Variants in DMXL2 observed in about 807,000 individuals in gnomAD.
DMXL2 encodes dmX-like protein 2.
DMXL2 carries 103 observed loss-of-function variants against 331.1 expected under a neutral mutation model. The ratio of observed to expected loss-of-function variants is 0.31; its 90% CI spans 0.27 to 0.37. The LOEUF (loss-of-function observed/expected upper bound fraction) is 0.37, where lower values mean the gene tolerates loss of function less well. DMXL2 is among the 10% of genes least tolerant of loss of function. DMXL2 has a pLI of 1.00. For synonymous variants in DMXL2, 1,281 were observed against 1,252.1 expected (o/e 1.02, Z -0.49); for missense variants, 3,171 against 3,642.9 (o/e 0.87, Z 3.33).
At chr15:51,599,017 T>C (rs1446035757) in intron 1 of DMXL2, among the ~76,000 whole-genome samples, 1 of 152,198 alleles carries the variant, frequency 6.6e-6, no homozygotes, top group African/African-American at 2.4e-5. Context: ...AAGAAGAGCG[T>C]TCCTTATTTG....
Position 51,455,044 on chromosome 15 carries a change from T to A in DMXL2, c.8604+107A>T. On this transcript the variant is annotated intron_variant, in intron 40 of 43. Transcript: ENST00000560891. ...GTCAGGCTGGGATTGCTGAAAAAAATCATCCTTTTCCCAATAGGACCACCA... is the reference window on the plus strand; with the variant it reads ...GTCAGGCTGGGATTGCTGAAAAAAAACATCCTTTTCCCAATAGGACCACCA... 8 of 898,166 alleles carry A rather than the reference T, an allele frequency of 8.9e-6. No individual in the cohort carries two copies. The South Asian group carries it at 1.2e-4, about 13-fold the overall frequency. The allele number at this position is 898,166 out of a possible 1,614,324, so 55.6% of individuals were successfully genotyped here.
Position 51,464,653 on chromosome 15 carries a change from A to G in DMXL2, c.7808+22T>C, listed in dbSNP as rs775153895. ...GAAAAGTTAAGCTACGCTCTTTATC[A>G]GCATTATAAGAGCTTTCTTACTTGA... On this transcript the variant is annotated intron_variant, in intron 32 of 43. Transcript: ENST00000560891. 31 of 1,597,156 alleles carry G rather than the reference A, an allele frequency of 1.9e-5. No individual in the cohort carries two copies. The East Asian group carries it at 5.4e-4, about 28-fold the overall frequency.
intron 1 of DMXL2, among the ~76,000 whole-genome samples, chr15:51,613,435 T>G (rs2054104997): frequency 6.6e-6 from 1 of 152,214 alleles, no homozygotes; most frequent in Admixed American, 6.5e-5. Flanking sequence ...CTTGACTTCC[T>G]GCAACATAAC....
chr15:51,461,653 C>A (rs535666283), intron 33 of DMXL2, among the ~76,000 whole-genome samples: 6 of 152,076 alleles, frequency 3.9e-5, no homozygotes, highest in Non-Finnish European at 7.4e-5. Context: ...TGGGCTCAAG[C>A]AATCCTCCTG....
chr15:51,586,227 T>C (rs2051813345), intron 1 of DMXL2, among the ~76,000 whole-genome samples: 1 of 152,210 alleles, frequency 6.6e-6, no homozygotes, highest in South Asian at 2.1e-4. Context: ...TAACGACTGC[T>C]TGTGTGGTAA....
At chr15:51,460,018 C>G (rs2039979431) in intron 33 of DMXL2, 1 of 982,764 alleles carries the variant, frequency 1.0e-6, no homozygotes, top group Non-Finnish European at 1.2e-6. Context: ...AATTCCTGCC[C>G]TATAGGGGTT....
At chr15:51,574,045 A>T (rs905756940) in intron 2 of DMXL2, among the ~76,000 whole-genome samples, 6 of 152,166 alleles carry the variant, frequency 3.9e-5, no homozygotes, top group South Asian at 2.1e-4. Context: ...AAATGGCCTA[A>T]TTATACCATC....
At position 51,499,847 on chromosome 15, in the gene DMXL2, T is replaced by C; in HGVS notation, c.3377A>G (p.Asp1126Gly). The C allele has an allele frequency of 6.2e-7, 1 of 1,614,178 alleles. No homozygotes were observed. The highest frequency in any genetic ancestry group is 1.1e-5 in the South Asian group (1 of 91,082). ...TACACTCCCAACCTTAACCAAATCATCAAGATGAATTGTTTGTTCTAAAAC... is the reference window on the plus strand; with the variant it reads ...TACACTCCCAACCTTAACCAAATCACCAAGATGAATTGTTTGTTCTAAAAC... ...EWVLEQTIHLDDLVKVGSVLD... is the reference protein window; with the variant it reads ...EWVLEQTIHLGDLVKVGSVLD... The change falls in exon 18 of 44, where the codon GAT becomes GGT. Residue 1126 changes from aspartate (D) to glycine (G), a missense_variant. Physicochemically the swap from Asp to Gly is moderately conservative, Grantham distance 94 (BLOSUM62 -1). Transcript: ENST00000560891.
chr15:51,489,301 G>A (rs1039024002), intron 20 of DMXL2, among the ~76,000 whole-genome samples: 1 of 152,126 alleles, frequency 6.6e-6, no homozygotes, highest in Non-Finnish European at 1.5e-5. Flanking sequence ...GGCAAAGCAG[G>A]AAGCTATAAT....
intron 14 of DMXL2, among the ~76,000 whole-genome samples, chr15:51,516,096 G>A (rs767722957): frequency 6.6e-6 from 1 of 152,150 alleles, no homozygotes; most frequent in Non-Finnish European, 1.5e-5. Flanking sequence ...AATTTATGAT[G>A]TAACTCTATA....
At chr15:51,572,574 A>G (rs2050744593) in intron 2 of DMXL2, among the ~76,000 whole-genome samples, 1 of 152,200 alleles carries the variant, frequency 6.6e-6, no homozygotes, top group Non-Finnish European at 1.5e-5. Flanking sequence ...GCACATCAAA[A>G]AGCTTGTCCA....
chr15:51,484,666 A>G (rs1441698409), intron 23 of DMXL2, among the ~76,000 whole-genome samples: 2 of 152,246 alleles, frequency 1.3e-5, no homozygotes, highest in Non-Finnish European at 2.9e-5. Flanking sequence ...AAGCAAGGAA[A>G]TATGACACCA....
Position 51,488,525 on chromosome 15 carries a change from C to T in DMXL2, c.5051+23G>A, listed in dbSNP as rs17524750. 340,076 of 1,573,434 alleles carry T rather than the reference C, an allele frequency of 0.22. 39,328 individuals are homozygous for T. Among genetic ancestry groups the T allele is most frequent in the Non-Finnish European group, 0.24 (275,266 of 1,145,878 alleles). ...GCACAATCTTCATTCTGTTGAATCA[C>T]GTTAAGTGTCAAGGCAACTTACCTA... is the stretch of plus-strand genomic sequence containing the variant. On this transcript the variant is annotated intron_variant, in intron 21 of 43. Transcript: ENST00000560891.
intron 16 of DMXL2, 101 bp from the exon 17 acceptor site, chr15:51,503,134 A>G: frequency 1.1e-6 from 1 of 881,366 alleles, no homozygotes; most frequent in Non-Finnish European, 1.7e-6. Flanking sequence ...ATAGCTTCTT[A>G]AAAGTATTTT....
At chr15:51,576,535 A>C (rs1171650589) in intron 1 of DMXL2, among the ~76,000 whole-genome samples, 1 of 151,922 alleles carries the variant, frequency 6.6e-6, no homozygotes, top group African/African-American at 2.4e-5. Flanking sequence ...ATCTAAAAAT[A>C]CTAAGCCACT....
chr15:51,602,347 A>G (rs867315075), intron 1 of DMXL2, among the ~76,000 whole-genome samples: 1 of 151,902 alleles, frequency 6.6e-6, no homozygotes, highest in African/African-American at 2.4e-5. Context: ...CCTTTTCTCT[A>G]TTTTCTGATA....
chr15:51,505,776 C>T (rs1172351058), intron 16 of DMXL2, among the ~76,000 whole-genome samples: 1 of 152,154 alleles, frequency 6.6e-6, no homozygotes, highest in Admixed American at 6.5e-5. Context: ...TATTCTTTCA[C>T]TGTATTAAAT....
At position 51,499,602 on chromosome 15, in the gene DMXL2, T is replaced by C; in HGVS notation, c.3622A>G (p.Lys1208Glu). Residue 1208 changes from lysine (K) to glutamate (E), a missense_variant, in exon 18 of 44, where the codon AAG (lysine) becomes GAG (glutamate). By Grantham distance (56) the Lys-to-Glu change is moderately conservative. Coordinates refer to ENST00000560891, the MANE Select transcript of DMXL2 (RefSeq NM_001378457.1). ...AAAGTGATGACAGCTACTCCATCCT[T>C]ACTGTTGGTTTGCTCAGTCACAATT... ...SGIVTEQTNSKDGVAVITLPL... is the reference protein window; with the variant it reads ...SGIVTEQTNSEDGVAVITLPL... 1 of 1,614,158 alleles carries C rather than the reference T, an allele frequency of 6.2e-7. No individual in the cohort carries two copies. The highest frequency in any genetic ancestry group is 8.5e-7 in the Non-Finnish European group (1 of 1,180,014).
At chr15:51,465,942 G>A (rs1237851684) in intron 30 of DMXL2, among the ~76,000 whole-genome samples, 4 of 152,036 alleles carry the variant, frequency 2.6e-5, no homozygotes, top group Admixed American at 6.6e-5. Context: ...ATATCCATGA[G>A]TTACATATTT....
Sources: gnomAD v4.1 joint callset for allele counts (sites outside exome capture counted in the v4.1 genomes callset) on GRCh38, gnomAD v4.1.1 for gene constraint, MANE v1.5 for transcripts, NCBI Gene and HGNC (gene_info 2026-07-23, HGNC 2026-07-21) for gene names.